Variants in COLEC12 observed in about 807,000 individuals in gnomAD.
The protein encoded by COLEC12 is collectin subfamily member 12.
A neutral mutation model predicts 71.1 loss-of-function variants in COLEC12; 33 were observed. The observed-to-expected ratio is 0.46, with a 90% CI of 0.35 to 0.62. The LOEUF (loss-of-function observed/expected upper bound fraction) is 0.62. Among genes scored for constraint, COLEC12 ranks in the 20% least tolerant of loss-of-function variants. The pLI, the probability that COLEC12 is intolerant of heterozygous loss-of-function variation, is 0.00. For synonymous variants in COLEC12, 350 were observed against 353.0 expected (o/e 0.99, Z 0.10); for missense variants, 765 against 916.1 (o/e 0.84, Z 2.13).
chr18:448,079 C>T (rs1916687859), intron 2 of COLEC12, among the ~76,000 whole-genome samples: 1 of 152,198 alleles, frequency 6.6e-6, no homozygotes, highest in African/African-American at 2.4e-5. Context: ...AATAATTGTG[C>T]TGCTTTCAAA....
Position 434,821 on chromosome 18 carries a change from C to T in COLEC12, c.58+45886G>A, listed in dbSNP as rs142665770. ...TAGCTTTTAATGAAAACATTATTCC[C>T]AATGCACCCCTCTGATTTTAGCCTA... is the stretch of plus-strand genomic sequence containing the variant. On this transcript the variant is annotated intron_variant, in intron 2 of 9. Coordinates refer to ENST00000400256, the MANE Select transcript of COLEC12 (RefSeq NM_130386.3). Among the ~76,000 whole-genome samples the T allele has an allele frequency of 1.7e-3, 253 of 152,268 alleles. 1 individual carries two copies. Among genetic ancestry groups the T allele is most frequent in the Middle Eastern group, 3.4e-3 (1 of 294 alleles).
chr18:442,082 G>GTGAGACTCTCTCTCTCTACACACACAC (rs1916554019), intron 2 of COLEC12, among the ~76,000 whole-genome samples: 3 of 151,332 alleles, frequency 2.0e-5, no homozygotes, highest in African/African-American at 7.3e-5. Flanking sequence ...TGGGGACTGA[G>GTGAGACTCTCTCTCTCTACACACACAC]AAGGTTATGG....
chr18:324,208 C>T (rs1022051360), intron 8 of COLEC12, among the ~76,000 whole-genome samples: 1 of 152,060 alleles, frequency 6.6e-6, no homozygotes, highest in Non-Finnish European at 1.5e-5. Flanking sequence ...ACCCCTCAGT[C>T]TGCATGTTTA....
At chr18:426,357 G>T (rs1916198605) in intron 2 of COLEC12, among the ~76,000 whole-genome samples, 1 of 152,166 alleles carries the variant, frequency 6.6e-6, no homozygotes, top group African/African-American at 2.4e-5. Flanking sequence ...ATTCTATGAG[G>T]TCTCTGCATG....
At chr18:412,265 T>G (rs536444632) in intron 2 of COLEC12, among the ~76,000 whole-genome samples, 44 of 152,162 alleles carry the variant, frequency 2.9e-4, no homozygotes, top group Non-Finnish European at 5.9e-4. Flanking sequence ...TGAATGATGG[T>G]GATTTTATCA....
At chr18:472,308 A>G (rs1917213147) in intron 2 of COLEC12, among the ~76,000 whole-genome samples, 1 of 152,140 alleles carries the variant, frequency 6.6e-6, no homozygotes, top group Non-Finnish European at 1.5e-5. Context: ...ACCCCTCAGT[A>G]TGCTACCTTC....
At chr18:421,808 C>G (rs1236963202) in intron 2 of COLEC12, among the ~76,000 whole-genome samples, 1 of 152,186 alleles carries the variant, frequency 6.6e-6, no homozygotes, top group Non-Finnish European at 1.5e-5. Flanking sequence ...GCCATTCAAG[C>G]ATTTTAAAAT....
intron 1 of COLEC12, among the ~76,000 whole-genome samples, chr18:491,623 C>T (rs1225293531): frequency 6.6e-6 from 1 of 152,196 alleles, no homozygotes; most frequent in Non-Finnish European, 1.5e-5. Context: ...GAACTTTAAT[C>T]ATCTGGCTTC....
rs1405437422 is a variant in COLEC12, at chr18:349,531, G to T, written c.182-1368C>A. On this transcript the variant is annotated intron_variant, in intron 3 of 9. Transcript: ENST00000400256. Reference sequence around the variant, plus strand: ...GGAGCCCCCACACAGAGTCCCTACTGGGGCACTGCCTAGTGGAGCTGTGAG... The same window carrying T: ...GGAGCCCCCACACAGAGTCCCTACTTGGGCACTGCCTAGTGGAGCTGTGAG... Among the ~76,000 whole-genome samples, 6 of 152,216 alleles carry T rather than the reference G, an allele frequency of 3.9e-5. 1 individual carries two copies. Among genetic ancestry groups the T allele is most frequent in the Admixed American group, 1.3e-4 (2 of 15,290 alleles).
intron 8 of COLEC12, among the ~76,000 whole-genome samples, chr18:330,494 T>G (rs1397578952): frequency 2.0e-5 from 3 of 151,862 alleles, no homozygotes; most frequent in African/African-American, 4.8e-5. Flanking sequence ...AGAGGGTTTT[T>G]TTTTTTTTTA....
At chr18:474,092 T>C (rs547164665) in intron 2 of COLEC12, among the ~76,000 whole-genome samples, 7 of 152,368 alleles carry the variant, frequency 4.6e-5, no homozygotes, top group South Asian at 2.1e-4. Flanking sequence ...GGATCATTTA[T>C]GATGACTTGC....
At chr18:484,038 G>C (rs555519507) in intron 1 of COLEC12, among the ~76,000 whole-genome samples, 2 of 152,300 alleles carry the variant, frequency 1.3e-5, no homozygotes, top group South Asian at 4.1e-4. Flanking sequence ...CAAGAAGGGA[G>C]GTTCATGCTG....
intron 2 of COLEC12, among the ~76,000 whole-genome samples, chr18:452,154 T>C (rs572440398): frequency 2.6e-5 from 4 of 152,322 alleles, no homozygotes; most frequent in African/African-American, 9.6e-5. Context: ...TAAATTTCAT[T>C]GGCATCAATG....
At chr18:425,066 A>G (rs1916173819) in intron 2 of COLEC12, among the ~76,000 whole-genome samples, 2 of 152,178 alleles carry the variant, frequency 1.3e-5, no homozygotes, top group African/African-American at 4.8e-5. Context: ...TATTGCCTCT[A>G]GGGAGGCATG....
chr18:380,933 C>T (rs930095457), intron 2 of COLEC12, among the ~76,000 whole-genome samples: 6 of 152,094 alleles, frequency 3.9e-5, no homozygotes, highest in Non-Finnish European at 8.8e-5. Flanking sequence ...TCTTCCAGTT[C>T]CCTAGGCAAC....
chr18:462,682 A>G (rs1037776119), intron 2 of COLEC12, among the ~76,000 whole-genome samples: 3 of 152,230 alleles, frequency 2.0e-5, no homozygotes, highest in Non-Finnish European at 2.9e-5. Flanking sequence ...TACATAAATT[A>G]TATCTCTATA....
intron 2 of COLEC12, among the ~76,000 whole-genome samples, chr18:390,028 A>C (rs1915429280): frequency 6.6e-6 from 1 of 152,212 alleles, no homozygotes; most frequent in Non-Finnish European, 1.5e-5. Context: ...GTTCTGATGG[A>C]ATTTTTTCTT....
Position 475,538 on chromosome 18 carries a change from G to A in COLEC12, c.58+5169C>T, listed in dbSNP as rs193195792. 3.4e-4 allele frequency among the ~76,000 whole-genome samples: 52 copies of A among 152,286 alleles called. No individual in the cohort carries two copies. In the East Asian group the frequency reaches 5.8e-3, roughly 17 times the overall value. On this transcript the variant is annotated intron_variant, in intron 2 of 9. Transcript: ENST00000400256. ...AGGCAGCCTGCCCCGTAAAAGCCCA[G>A]CAACAAGAAGTAGAGGCATCCAAGT...
intron 8 of COLEC12, among the ~76,000 whole-genome samples, chr18:329,774 A>AT (rs1913930484): frequency 6.6e-6 from 1 of 152,184 alleles, no homozygotes; most frequent in Non-Finnish European, 1.5e-5. Context: ...CCACATGTTT[A>AT]TTTTTTATAA....
Sources: allele counts gnomAD v4.1 joint callset (sites outside exome capture counted in the v4.1 genomes callset), GRCh38; gene constraint gnomAD v4.1.1; transcripts MANE v1.5; gene names NCBI Gene and HGNC (gene_info 2026-07-23, HGNC 2026-07-21).